ERP44: variants seen among roughly 807,000 people sequenced by gnomAD.
The protein encoded by ERP44 is endoplasmic reticulum protein 44.
A neutral mutation model predicts 53.4 loss-of-function variants in ERP44; 25 were observed. The ratio of observed to expected loss-of-function variants is 0.47; its 90% CI spans 0.34 to 0.65. The LOEUF (loss-of-function observed/expected upper bound fraction) is 0.65, where lower values mean the gene tolerates loss of function less well. Among genes scored for constraint, ERP44 ranks in the 30% least tolerant of loss-of-function variants. The probability of loss-of-function intolerance (pLI) is 0.01; values close to 1 mark genes in which losing one functional copy is unlikely to be tolerated. For missense variants in ERP44, 338 were observed against 493.2 expected (o/e 0.69, Z 2.98); for synonymous variants, 145 against 161.2 (o/e 0.90, Z 0.76).
intron 5 of ERP44, among the ~76,000 whole-genome samples, chr9:100,021,422 C>G (rs1401405349): frequency 2.0e-5 from 3 of 152,184 alleles, no homozygotes; most frequent in Non-Finnish European, 4.4e-5. Context: ...GCAATAAAGT[C>G]CTTTGTCTCT....
At chr9:100,095,796 G>T (rs183709787) in intron 1 of ERP44, among the ~76,000 whole-genome samples, 1 of 151,998 alleles carries the variant, frequency 6.6e-6, no homozygotes, top group South Asian at 2.1e-4. Flanking sequence ...CAAACTGCAT[G>T]CCTCCAAAAG....
intron 10 of ERP44, among the ~76,000 whole-genome samples, chr9:99,995,826 A>G (rs969785416): frequency 2.0e-5 from 3 of 152,082 alleles, no homozygotes; most frequent in Non-Finnish European, 4.4e-5. Context: ...TAATGCTGCA[A>G]TGAACATAGG....
chr9:99,994,064 C>G (rs572791370), intron 10 of ERP44, among the ~76,000 whole-genome samples: 1 of 152,242 alleles, frequency 6.6e-6, no homozygotes, highest in East Asian at 1.9e-4. Context: ...GGAGTGTAAA[C>G]TAGTTCAACC....
At chr9:100,093,854 T>G (rs1826592113) in intron 1 of ERP44, among the ~76,000 whole-genome samples, 1 of 152,210 alleles carries the variant, frequency 6.6e-6, no homozygotes, top group Non-Finnish European at 1.5e-5. Flanking sequence ...CCCATCAGAC[T>G]GACAAATACC....
chr9:100,002,281 A>G (rs139395103), intron 10 of ERP44, among the ~76,000 whole-genome samples: 145 of 152,322 alleles, frequency 9.5e-4, no homozygotes, highest in African/African-American at 3.4e-3. Flanking sequence ...TACCAAAGCT[A>G]TAAGTGATTT....
intron 10 of ERP44, among the ~76,000 whole-genome samples, chr9:100,006,086 T>C (rs1208247839): frequency 6.6e-6 from 1 of 152,240 alleles, no homozygotes. Flanking sequence ...ACTAATGTTC[T>C]TGCTATGTGA....
chr9:100,067,981 G>T (rs973193666), intron 1 of ERP44, among the ~76,000 whole-genome samples: 1 of 151,662 alleles, frequency 6.6e-6, no homozygotes, highest in Non-Finnish European at 1.5e-5. Context: ...CGGGAGGGAG[G>T]TGGGGGTCAG....
intron 4 of ERP44, among the ~76,000 whole-genome samples, chr9:100,050,743 T>G (rs1326516996): frequency 5.3e-5 from 8 of 152,208 alleles, no homozygotes; most frequent in Non-Finnish European, 1.2e-4. Context: ...GAAAAGCATC[T>G]GAACTGTGCT....
chr9:100,073,220 T>A (rs1826323943), intron 1 of ERP44, among the ~76,000 whole-genome samples: 1 of 152,202 alleles, frequency 6.6e-6, no homozygotes, highest in Non-Finnish European at 1.5e-5. Flanking sequence ...ATTAAGAATT[T>A]CACATTCTAT....
At chr9:100,012,880 G>A (rs1830489347) in intron 8 of ERP44, among the ~76,000 whole-genome samples, 1 of 152,140 alleles carries the variant, frequency 6.6e-6, no homozygotes, top group African/African-American at 2.4e-5. Flanking sequence ...AAGCAGACTG[G>A]CTAAGGACTT....
intron 1 of ERP44, among the ~76,000 whole-genome samples, chr9:100,061,624 A>T (rs900332476): frequency 3.4e-5 from 5 of 147,738 alleles, no homozygotes; most frequent in African/African-American, 1.2e-4. Flanking sequence ...AAATATATAT[A>T]AATATATATA....
rs554324835 is a variant in ERP44 at position 100,094,484 on chromosome 9, C to A, written c.57+4300G>T. On this transcript the variant is annotated intron_variant, in intron 1 of 11. Transcript: ENST00000262455. ...ACCAGCCTGGCCAACATGGTGAAACCCCATCTCTACTAAAAATATAAAAAT... is the reference window on the plus strand; with the variant it reads ...ACCAGCCTGGCCAACATGGTGAAACACCATCTCTACTAAAAATATAAAAAT... 2.1e-4 allele frequency among the ~76,000 whole-genome samples: 32 copies of A among 152,156 alleles called. No homozygotes were observed. In the South Asian group the frequency reaches 3.3e-3, roughly 16 times the overall value.
intron 1 of ERP44, among the ~76,000 whole-genome samples, chr9:100,080,010 T>C (rs1406763080): frequency 6.6e-6 from 1 of 152,116 alleles, no homozygotes; most frequent in Non-Finnish European, 1.5e-5. Context: ...AAGTGTATTA[T>C]TGTTTAATTT....
intron 10 of ERP44, among the ~76,000 whole-genome samples, chr9:99,985,507 A>G (rs1830187362): frequency 6.6e-6 from 1 of 152,254 alleles, no homozygotes; most frequent in Non-Finnish European, 1.5e-5. Flanking sequence ...TAACCAAAGC[A>G]CTACTGCGAA....
chr9:100,096,561 T>C (rs1353980071), intron 1 of ERP44, among the ~76,000 whole-genome samples: 1 of 152,020 alleles, frequency 6.6e-6, no homozygotes, highest in East Asian at 1.9e-4. Context: ...CTCCAGAAGT[T>C]TGGGATTATG....
intron 1 of ERP44, among the ~76,000 whole-genome samples, chr9:100,096,304 T>C (rs1826627879): frequency 2.0e-5 from 3 of 152,044 alleles, no homozygotes. Context: ...AAACCCTGAA[T>C]AAACCCACCT....
At chr9:100,006,684 T>C in intron 9 of ERP44, 37 bp from the exon 10 acceptor site, 1 of 1,457,246 alleles carries the variant, frequency 6.9e-7, no homozygotes, top group Non-Finnish European at 9.3e-7. Context: ...TAAATTCAAA[T>C]TTTCTTGAAA....
chr9:100,004,270 CACTGGAGTCT>C (rs1333316370), intron 10 of ERP44, among the ~76,000 whole-genome samples: 4 of 152,134 alleles, frequency 2.6e-5, no homozygotes, highest in Non-Finnish European at 1.5e-5. Flanking sequence ...GCTGGTCCAT[CACTGGAGTCT>C]ACTAGGATAA....
chr9:100,057,254 T>C (rs1342868088), intron 3 of ERP44, among the ~76,000 whole-genome samples: 1 of 152,236 alleles, frequency 6.6e-6, no homozygotes, highest in Non-Finnish European at 1.5e-5. Flanking sequence ...CCATGCCATA[T>C]TCTGTAACAT....
Sources: gnomAD v4.1 joint callset for allele counts (sites outside exome capture counted in the v4.1 genomes callset) on GRCh38, gnomAD v4.1.1 for gene constraint, MANE v1.5 for transcripts, NCBI Gene and HGNC (gene_info 2026-07-23, HGNC 2026-07-21) for gene names.